Variants in POLE observed in about 807,000 individuals in gnomAD.
POLE encodes the protein DNA polymerase epsilon catalytic subunit A.
In POLE, 188 loss-of-function variants were observed where a neutral mutation model predicts 279.2. The ratio of observed to expected loss-of-function variants is 0.67; its 90% CI spans 0.60 to 0.76. The LOEUF (loss-of-function observed/expected upper bound fraction) is 0.76. Ranked by LOEUF, POLE falls within the 30% of genes least tolerant of loss-of-function variation. The pLI, the probability that POLE is intolerant of heterozygous loss-of-function variation, is 0.00. For synonymous variants in POLE, 1,214 were observed against 1,172.5 expected, an observed-to-expected ratio of 1.04 and a Z score of -0.72; for missense variants, 2,703 against 3,016.7, an observed-to-expected ratio of 0.90 and a Z score of 2.44.
At chr12:132,666,436 C>T (rs773079169) in intron 20 of POLE, among the ~76,000 whole-genome samples, 13 of 152,162 alleles carry the variant, frequency 8.5e-5, no homozygotes, top group South Asian at 2.1e-4. Flanking sequence ...AAACATACAA[C>T]GATCAGGCGT....
At position 132,642,702 on chromosome 12, in the gene POLE, C is replaced by T. The variant is rs746266857; in HGVS notation, c.4756G>A (p.Ala1586Thr). 6.8e-6 allele frequency: 11 copies of T among 1,613,712 alleles called. No individual in the cohort carries two copies. The Admixed American group carries it at 1.0e-4, about 15-fold the overall frequency. ...TTCAGCTCCCAGCTGGACTGAACAG[C>T]GATGAGTGTGGGCCCCCGGCGCTCC... ...KEERRGPTLIAVQSSWELKRL... is the reference protein window; with the variant it reads ...KEERRGPTLITVQSSWELKRL... Residue 1586 changes from alanine (A) to threonine (T), a missense_variant, in exon 37 of 49, where the codon GCT becomes ACT. Transcript: ENST00000320574.
intron 25 of POLE, chr12:132,659,718 A>T: frequency 1.8e-6 from 1 of 549,954 alleles, no homozygotes; most frequent in Non-Finnish European, 3.3e-6. Context: ...TTTGAGACAG[A>T]GTCTCATTCT....
At position 132,673,714 on chromosome 12, in the gene POLE, G is replaced by A. The variant is rs1247948521; in HGVS notation, c.1227-7C>T. 1 of 1,613,330 alleles carries A rather than the reference G, an allele frequency of 6.2e-7. No homozygotes were observed. Among genetic ancestry groups the A allele is most frequent in the Non-Finnish European group, 8.5e-7 (1 of 1,179,966 alleles). ...ACTGTCCCTCTTCACCCACCTGGAA[G>A]GAGAATGAGAACAGAAGCCAGGATG... On this transcript the variant is annotated splice_polypyrimidine_tract_variant and splice_region_variant and intron_variant, in intron 12 of 48. Transcript: ENST00000320574.
rs143858927 is a variant in POLE, at chr12:132,649,694, C to G, written c.3778G>C (p.Ala1260Pro). The change falls in exon 30 of 49, where the codon GCC becomes CCC. Residue 1260 changes from alanine to proline, a missense_variant. Ala to Pro is a conservative substitution (Grantham distance 27). Around this residue, in one of 5 missense-constraint regions of POLE, gnomAD observed 1,551 missense variants for 1,686.1 expected, o/e 0.92. Transcript: ENST00000320574. ...TGCCTTACCTGGCTGGTTCCCAGGGCGGGAGGCTGCCCCAAGATTTCCTGC... is the reference window on the plus strand; with the variant it reads ...TGCCTTACCTGGCTGGTTCCCAGGGGGGGAGGCTGCCCCAAGATTTCCTGC... ...PWQEILGQPP[A>P]LGTSQEEWLV... 13 of 1,613,998 alleles carry G rather than the reference C, an allele frequency of 8.1e-6. No individual in the cohort carries two copies. The highest frequency in any genetic ancestry group is 1.1e-5 in the Non-Finnish European group (13 of 1,180,016).
intron 45 of POLE, among the ~76,000 whole-genome samples, chr12:132,630,629 T>C (rs906584138): frequency 1.3e-5 from 2 of 152,106 alleles, no homozygotes; most frequent in Admixed American, 1.3e-4. Flanking sequence ...CAGGCACCTG[T>C]AATCCCAGCT....
rs565420825 is a variant in POLE at position 132,639,237 on chromosome 12, C to T, written c.5440G>A (p.Ala1814Thr). ...KEITQYHNIYADNQVMHFYRW... is the reference protein window; with the variant it reads ...KEITQYHNIYTDNQVMHFYRW... ...TAGAAGTGCATCACCTGGTTGTCTGCATAGATGTTGTGGTACTGGGTGATC... is the reference window on the plus strand; with the variant it reads ...TAGAAGTGCATCACCTGGTTGTCTGTATAGATGTTGTGGTACTGGGTGATC... The change falls in exon 40 of 49, where the codon GCA becomes ACA. Residue 1814 changes from alanine to threonine, a missense_variant. Around this residue, in one of 5 missense-constraint regions of POLE, gnomAD observed 1,551 missense variants for 1,686.1 expected, o/e 0.92. Transcript: ENST00000320574. The surrounding 1 kb of genome is among the most constrained non-coding windows in gnomAD (Gnocchi z 4.7). 1 of 1,614,152 alleles carries T rather than the reference C, an allele frequency of 6.2e-7. No individual in the cohort carries two copies.
At chr12:132,651,048 G>A (rs1019052981) in intron 29 of POLE, 3 of 151,930 alleles carry the variant, frequency 2.0e-5, no homozygotes, top group Admixed American at 2.0e-4. Flanking sequence ...ATTTTTTGTT[G>A]TATTTTTAGT....
At chr12:132,633,049 G>A (rs573964291) in intron 43 of POLE, 3 of 398,940 alleles carry the variant, frequency 7.5e-6, no homozygotes, top group African/African-American at 6.3e-5. Flanking sequence ...TGTACACTAA[G>A]CCTCTCACTG....
At chr12:132,625,600 CCT>C (rs778312380) in intron 47 of POLE, 43 bp downstream of exon 47, 19 of 1,606,680 alleles carry the variant, frequency 1.2e-5, no homozygotes, top group African/African-American at 6.7e-5. Flanking sequence ...CAGAAACCCC[CCT>C]GTGGACTCCA....
At position 132,664,173 on chromosome 12, in the gene POLE, T is replaced by A. The variant is rs765736838; in HGVS notation, c.2562-25A>T. ...CCTTCAGAGAAAGAGAGGAGCAAGG[T>A]CGTGAGTTCCCCTTTCCTTTTCACC... On this transcript the variant is annotated intron_variant, in intron 22 of 48. Coordinates refer to ENST00000320574, the MANE Select transcript of POLE (RefSeq NM_006231.4). This position sits in a 1 kb window ranked among gnomAD's most constrained non-coding sequence, Gnocchi z 5.3. 20 of 1,612,242 alleles carry A rather than the reference T, an allele frequency of 1.2e-5. No homozygotes were observed. Among genetic ancestry groups the A allele is most frequent in the African/African-American group, 2.7e-5 (2 of 74,880 alleles).
At position 132,642,645 on chromosome 12, in the gene POLE, C is replaced by T. The variant is rs768801696; in HGVS notation, c.4813G>A (p.Glu1605Lys). The part of the protein sequence containing the change: ...RLASEIPVLE[E>K]FPLVPICVAD... ...ACACAGATAGGCACCAGTGGGAATT[C>T]CTCCAAGACAGGAATTTCACTGGCC... Residue 1605 changes from glutamate to lysine, a missense_variant, in exon 37 of 49, where the codon GAA (glutamate) becomes AAA (lysine). Physicochemically the swap from Glu to Lys is moderately conservative, Grantham distance 56 (BLOSUM62 1). Around this residue, in one of 5 missense-constraint regions of POLE, gnomAD observed 1,551 missense variants for 1,686.1 expected, o/e 0.92. Transcript: ENST00000320574. 2.5e-6 allele frequency: 4 copies of T among 1,613,326 alleles called. No homozygotes were observed. The highest frequency in any genetic ancestry group is 3.4e-6 in the Non-Finnish European group (4 of 1,180,044).
rs2135947164 is a variant in POLE, at chr12:132,661,239, C to T, written c.2865-75G>A. ...AGCCACCAGCTGTGCCTCATCCTCT[C>T]TGCCCGCCTCTTCCCTTTCCAACCC... On this transcript the variant is annotated intron_variant, in intron 24 of 48. Coordinates refer to ENST00000320574, the MANE Select transcript of POLE (RefSeq NM_006231.4). This position sits in a 1 kb window ranked among gnomAD's most constrained non-coding sequence, Gnocchi z 4.1. 7.5e-7 allele frequency: 1 copy of T among 1,334,872 alleles called. No homozygotes were observed. Among genetic ancestry groups the T allele is most frequent in the East Asian group, 2.3e-5 (1 of 43,396 alleles). The allele number at this position is 1,334,872 out of a possible 1,614,324, so 82.7% of individuals were successfully genotyped here.
rs762684038 is a variant in POLE, at chr12:132,634,303, C to T, written c.5887G>A (p.Glu1963Lys). The T allele has an allele frequency of 6.2e-7, 1 of 1,614,214 alleles. No individual in the cohort carries two copies. Residue 1963 changes from glutamate to lysine, a missense_variant, in exon 43 of 49, where the codon GAG (glutamate) becomes AAG (lysine). Around this residue, in one of 5 missense-constraint regions of POLE, gnomAD observed 1,551 missense variants for 1,686.1 expected, o/e 0.92. Coordinates refer to ENST00000320574, the MANE Select transcript of POLE (RefSeq NM_006231.4). The surrounding 1 kb of genome is among the most constrained non-coding windows in gnomAD (Gnocchi z 4.0). ...TTGGATTCCTCCGCCTCTTCCTCCT[C>T]CTCCCCATCTCTTTCCTCCTCATCG... ...EDDEEERDGE[E>K]EEEAEESNVE...
At chr12:132,638,958 C>T in intron 40 of POLE, 167 bp downstream of exon 40, 1 of 636,808 alleles carries the variant, frequency 1.6e-6, no homozygotes, top group East Asian at 2.7e-5. Flanking sequence ...GACGCTGCAG[C>T]AGCAGCTGCG....
Position 132,643,401 on chromosome 12 carries a change from C to A in POLE, c.4444+6G>T, listed in dbSNP as rs2042200596. On this transcript the variant is annotated splice_donor_region_variant and intron_variant, in intron 34 of 48. Coordinates refer to ENST00000320574, the MANE Select transcript of POLE (RefSeq NM_006231.4). ...GCACATGATGGGCGGCTGGTGCAGG[C>A]CATACCTGGTTCCAGGTAGCTGAAC... The A allele has an allele frequency of 6.2e-7, 1 of 1,614,088 alleles. No homozygotes were observed. Among genetic ancestry groups the A allele is most frequent in the African/African-American group, 1.3e-5 (1 of 74,950 alleles).
intron 1 of POLE, among the ~76,000 whole-genome samples, chr12:132,683,651 G>A (rs1392172389): frequency 6.6e-6 from 1 of 152,216 alleles, no homozygotes; most frequent in Non-Finnish European, 1.5e-5. Flanking sequence ...CTGAGTCCCA[G>A]ATCTTTATCA....
chr12:132,642,758 C>A (rs369954774), intron 36 of POLE, 29 bp from the exon 37 acceptor site: 28 of 1,613,290 alleles, frequency 1.7e-5, no homozygotes, highest in Non-Finnish European at 2.3e-5. Context: ...GAAGAAAAGA[C>A]CTGGGTGGAC....
rs2138674072 is a variant in POLE, at chr12:132,659,302, T to C, written c.3268A>G (p.Thr1090Ala). ...ISRKPEGSPVTERAIPLAIFQ... is the reference protein window; with the variant it reads ...ISRKPEGSPVAERAIPLAIFQ... Reference sequence around the variant, plus strand: ...GATGGGGGGAGCCCTCACCTCTCCGTGACAGGGGAGCCCTCGGGCTTGCGG... The same window carrying C: ...GATGGGGGGAGCCCTCACCTCTCCGCGACAGGGGAGCCCTCGGGCTTGCGG... The change falls in exon 26 of 49, where the codon ACG becomes GCG. Residue 1090 changes from threonine to alanine, a missense_variant. Coordinates refer to ENST00000320574, the MANE Select transcript of POLE (RefSeq NM_006231.4). 1 of 1,613,536 alleles carries C rather than the reference T, an allele frequency of 6.2e-7. No individual in the cohort carries two copies. Among genetic ancestry groups the C allele is most frequent in the Non-Finnish European group, 8.5e-7 (1 of 1,179,836 alleles).
In POLE at chr12:132,639,379, C is replaced by G. The variant is rs976462690; in HGVS notation, c.5379-81G>C. 2.9e-6 allele frequency: 4 copies of G among 1,357,926 alleles called. No individual in the cohort carries two copies. Among genetic ancestry groups the G allele is most frequent in the Non-Finnish European group, 4.1e-6 (4 of 974,568 alleles). The allele number at this position is 1,357,926 out of a possible 1,614,324, so 84.1% of individuals were successfully genotyped here. On this transcript the variant is annotated intron_variant, in intron 39 of 48. Transcript: ENST00000320574. The surrounding 1 kb of genome is among the most constrained non-coding windows in gnomAD (Gnocchi z 4.7). ...CGCGGGACGCTCCAACTGAAATGGG[C>G]ACAGGTTTTCCCTACACGGCTGGGT...
Sources: gnomAD v4.1 joint callset for allele counts (sites outside exome capture counted in the v4.1 genomes callset) on GRCh38, gnomAD v4.1.1 for gene constraint, gnomAD v4.1.1 regional missense constraint, Gnocchi (gnomAD v3.1) non-coding constraint, MANE v1.5 for transcripts, NCBI Gene and HGNC (gene_info 2026-07-23, HGNC 2026-07-21) for gene names.